The following AVEN variants were observed in gnomAD, a reference collection of about 807,000 sequenced individuals.
AVEN encodes the protein cell death regulator Aven.
In AVEN, 41 loss-of-function variants were observed where a neutral mutation model predicts 38.1. The observed-to-expected ratio is 1.08, with a 90% CI of 0.84 to 1.40. The LOEUF (loss-of-function observed/expected upper bound fraction) is 1.40, where lower values mean the gene tolerates loss of function less well. Ranked by LOEUF, AVEN falls within the 40% of genes most tolerant of loss-of-function variation. AVEN has a pLI of 0.00. For missense variants in AVEN, 605 were observed against 438.8 expected (o/e 1.38, Z -3.38); for synonymous variants, 206 against 171.8 (o/e 1.20, Z -1.56).
At chr15:34,009,333 GA>G (rs1187602726) in intron 1 of AVEN, among the ~76,000 whole-genome samples, 1 of 152,072 alleles carries the variant, frequency 6.6e-6, no homozygotes, top group African/African-American at 2.4e-5. Context: ...AAATCCACAT[GA>G]AAAAACCAGT....
In AVEN at chr15:34,073,986, C is replaced by CTTTTTTTTTT. The variant is rs1381411256; in HGVS notation, n.720+449_720+450insAAAAAAAAAA. Among the ~76,000 whole-genome samples, 123 of 112,190 alleles carry CTTTTTTTTTT rather than the reference C, an allele frequency of 1.1e-3. 39 individuals carry two copies. The highest frequency in any genetic ancestry group is 4.4e-3 in the African/African-American group (108 of 24,274). The allele number at this position is 112,190 out of a possible 152,430, so 73.6% of individuals were successfully genotyped here. The stretch of plus-strand genomic sequence containing the variant: ...TGGAGGAACTTTCTTTTTTCTTCTT[C>CTTTTTTTTTT]TTCTTTTTTTTTTTTTTTTTTTTTT... On this transcript the variant is annotated intron_variant and non_coding_transcript_variant, in intron 1 of 11. Transcript: ENST00000675287.
intron 2 of AVEN, among the ~76,000 whole-genome samples, chr15:33,944,733 C>G (rs763257597): frequency 6.6e-6 from 1 of 151,622 alleles, no homozygotes. Context: ...GGCATGAACT[C>G]GGGAGGCGGA....
At chr15:33,918,267 CTT>C (rs1893232487) in intron 2 of AVEN, among the ~76,000 whole-genome samples, 1 of 152,118 alleles carries the variant, frequency 6.6e-6, no homozygotes, top group Non-Finnish European at 1.5e-5. Context: ...CTGCTTGAAG[CTT>C]CTTTTAAATA....
At chr15:33,961,561 C>G (rs1276465188) in intron 2 of AVEN, among the ~76,000 whole-genome samples, 3 of 152,046 alleles carry the variant, frequency 2.0e-5, no homozygotes, top group Middle Eastern at 3.4e-3. Context: ...TGCCTGTAAT[C>G]CCAGCACTTT....
At chr15:33,967,560 T>C (rs1200444572) in intron 2 of AVEN, among the ~76,000 whole-genome samples, 4 of 152,104 alleles carry the variant, frequency 2.6e-5, no homozygotes, top group African/African-American at 7.2e-5. Flanking sequence ...ATTATTTTTG[T>C]ATTATTTTTC....
At position 33,997,182 on chromosome 15, in the gene AVEN, T is replaced by C. The variant is rs529223063; in HGVS notation, c.445+5850A>G. Among the ~76,000 whole-genome samples, 4 of 152,246 alleles carry C rather than the reference T, an allele frequency of 2.6e-5. No individual in the cohort carries two copies. The South Asian group carries it at 6.2e-4, about 24-fold the overall frequency. ...GCATAAAACAGCATAAACAGTAGGA[T>C]AGAAAATTGATAAATTCAACTAAAA... is the stretch of plus-strand genomic sequence containing the variant. On this transcript the variant is annotated intron_variant, in intron 2 of 5. Transcript: ENST00000306730.
At chr15:33,987,617 T>C (rs1394496973) in intron 2 of AVEN, among the ~76,000 whole-genome samples, 1 of 152,196 alleles carries the variant, frequency 6.6e-6, no homozygotes. Context: ...CTACCAGAAT[T>C]ATTCCACTGA....
chr15:33,993,643 AAT>A (rs1896817514), intron 2 of AVEN, among the ~76,000 whole-genome samples: 1 of 152,240 alleles, frequency 6.6e-6, no homozygotes, highest in Non-Finnish European at 1.5e-5. Context: ...GAGCTTATAG[AAT>A]AATTATTAAA....
At chr15:34,073,350 C>G (rs1200574018) in intron 1 of AVEN, among the ~76,000 whole-genome samples, 6 of 150,710 alleles carry the variant, frequency 4.0e-5, no homozygotes, top group African/African-American at 1.5e-4. Flanking sequence ...CCACCGCGCC[C>G]GGCCTGTACA....
At chr15:33,929,929 G>A (rs75907086) in intron 2 of AVEN, among the ~76,000 whole-genome samples, 6,408 of 152,170 alleles carry the variant, frequency 0.042, 303 homozygotes, top group African/African-American at 0.12. Context: ...ATAACCGGCT[G>A]ATGAAATAGA....
chr15:34,033,453 C>T (rs1183285705), intron 1 of AVEN, among the ~76,000 whole-genome samples: 1 of 151,768 alleles, frequency 6.6e-6, no homozygotes, highest in African/African-American at 2.4e-5. Context: ...TTGCAGTGAG[C>T]CGAGATCGTG....
intron 1 of AVEN, among the ~76,000 whole-genome samples, chr15:34,012,285 C>T (rs1897669502): frequency 1.3e-5 from 2 of 152,170 alleles, no homozygotes; most frequent in South Asian, 4.1e-4. Context: ...CACAGACACA[C>T]ACAATAAGTA....
At chr15:33,912,877 T>C (rs1184211982) in intron 2 of AVEN, among the ~76,000 whole-genome samples, 1 of 136,758 alleles carries the variant, frequency 7.3e-6, no homozygotes, top group Non-Finnish European at 1.6e-5. Flanking sequence ...GATTATCATG[T>C]AAAAGGCATA....
chr15:33,867,643 CAGTGGGGA>C lies in AVEN; in HGVS notation c.817_824del (p.Ser273AlafsTer16). On this transcript the variant is annotated frameshift_variant, in exon 5 of 6. Transcript: ENST00000306730. LOFTEE classifies it high-confidence loss of function. The stretch of plus-strand genomic sequence containing the variant: ...CTTCCAAATGGTCTCCTGCTGACTG[CAGTGGGGA>C]AGTGGGTTTCTGAGAATCCCTTGAA... 6.2e-7 allele frequency: 1 copy of C among 1,614,166 alleles called. No homozygotes were observed. The highest frequency in any genetic ancestry group is 8.5e-7 in the Non-Finnish European group (1 of 1,180,030).
At chr15:33,863,003 C>G (rs1597130291), downstream of AVEN, among the ~76,000 whole-genome samples, 1 of 152,178 alleles carries the variant, frequency 6.6e-6, no homozygotes. Flanking sequence ...GAATATACAT[C>G]TTAATGGAGG....
At chr15:33,922,972 A>G (rs1173775764) in intron 2 of AVEN, among the ~76,000 whole-genome samples, 1 of 152,208 alleles carries the variant, frequency 6.6e-6, no homozygotes, top group African/African-American at 2.4e-5. Flanking sequence ...TATTCTAATC[A>G]GTTTCTCATG....
At position 34,038,797 on chromosome 15, in the gene AVEN, C is replaced by T. The variant is rs1219387733; in HGVS notation, c.250G>A (p.Ala84Thr). The change falls in exon 1 of 6, where the codon GCA becomes ACA. Residue 84 changes from alanine (A) to threonine (T), a missense_variant. Coordinates refer to ENST00000306730, the MANE Select transcript of AVEN (RefSeq NM_020371.3). Reference sequence around the variant, plus strand: ...CCTCTTACCGGCGCGCTGGCCCCTGCGCCCCAGCCTCCCGGCTCCCGGCGG... The same window carrying T: ...CCTCTTACCGGCGCGCTGGCCCCTGTGCCCCAGCCTCCCGGCTCCCGGCGG... ...GSRREPGGWG[A>T]GASAPVEDDS... 1.7e-6 allele frequency: 2 copies of T among 1,189,998 alleles called. No homozygotes were observed. Among genetic ancestry groups the T allele is most frequent in the Non-Finnish European group, 2.1e-6 (2 of 960,596 alleles). 73.7% of individuals were successfully genotyped at this position (1,189,998 alleles called of 1,614,324 possible).
chr15:33,953,306 A>G (rs943953969), intron 2 of AVEN, among the ~76,000 whole-genome samples: 37 of 152,196 alleles, frequency 2.4e-4, no homozygotes, highest in African/African-American at 8.7e-4. Context: ...TTCATATGGA[A>G]CCAAAAAAGA....
rs539362073 is a variant in AVEN, at chr15:33,958,271, C to T, written c.445+44761G>A. Among the ~76,000 whole-genome samples, 5 of 152,134 alleles carry T rather than the reference C, an allele frequency of 3.3e-5. No homozygotes were observed. The South Asian group carries it at 1.0e-3, about 31-fold the overall frequency. ...TAAATTGCAAAATAATTCACCTAGA[C>T]GCTTGAATAATAAGAAAACTTCTTC... On this transcript the variant is annotated intron_variant, in intron 2 of 5. Coordinates refer to ENST00000306730, the MANE Select transcript of AVEN (RefSeq NM_020371.3).
Sources: allele counts gnomAD v4.1 joint callset (sites outside exome capture counted in the v4.1 genomes callset), GRCh38; gene constraint gnomAD v4.1.1; transcripts MANE v1.5; gene names NCBI Gene and HGNC (gene_info 2026-07-23, HGNC 2026-07-21).